The following EIF2B3 variants were observed in gnomAD, a reference collection of about 807,000 sequenced individuals.
EIF2B3 encodes translation initiation factor eIF2B subunit gamma.
Under a neutral mutation model 54.1 loss-of-function variants are expected in EIF2B3, and 20 were observed. The ratio of observed to expected loss-of-function variants is 0.37; its 90% CI spans 0.26 to 0.54. EIF2B3 has a LOEUF of 0.54. EIF2B3 is among the 20% of genes least tolerant of loss of function. The pLI is 0.86. For synonymous variants in EIF2B3, 153 were observed against 188.1 expected, an observed-to-expected ratio of 0.81 and a Z score of 1.52; for missense variants, 448 against 547.8, an observed-to-expected ratio of 0.82 and a Z score of 1.82.
At chr1:44,986,440 C>T (rs1040981198) in intron 1 of EIF2B3, 53 bp downstream of exon 1, 1 of 152,506 alleles carries the variant, frequency 6.6e-6, no homozygotes, top group African/African-American at 2.4e-5. Flanking sequence ...CCACCTCGGC[C>T]CAGTTCGACA....
chr1:44,870,674 A>G (rs189368277), intron 10 of EIF2B3, among the ~76,000 whole-genome samples: 31 of 148,896 alleles, frequency 2.1e-4, no homozygotes, highest in African/African-American at 7.4e-4. Flanking sequence ...TTTTTTTGAG[A>G]AAGAGTCTCA....
chr1:44,857,872 T>C (rs1654487724), intron 10 of EIF2B3, 65 bp from the exon 11 acceptor site: 3 of 1,518,790 alleles, frequency 2.0e-6, no homozygotes, highest in Non-Finnish European at 2.7e-6. Context: ...TTACTATTGG[T>C]TGGGGGTTCT....
chr1:44,976,248 C>G (rs1569881723), intron 3 of EIF2B3, among the ~76,000 whole-genome samples: 2 of 152,066 alleles, frequency 1.3e-5, no homozygotes, highest in African/African-American at 4.8e-5. Context: ...TTCCTATAAT[C>G]AATAATGGAA....
intron 6 of EIF2B3, among the ~76,000 whole-genome samples, chr1:44,885,771 G>A (rs1202134502): frequency 1.3e-5 from 2 of 150,762 alleles, no homozygotes; most frequent in African/African-American, 2.4e-5. Context: ...TTTTTTAGAC[G>A]CAGTCTCGCT....
At chr1:44,977,164 T>C (rs114224595) in intron 3 of EIF2B3, among the ~76,000 whole-genome samples, 1,715 of 152,312 alleles carry the variant, frequency 0.011, 33 homozygotes, top group African/African-American at 0.039. Context: ...ATCACAACGA[T>C]TGAATTTTTT....
At chr1:44,893,891 G>C (rs1189668795) in intron 6 of EIF2B3, among the ~76,000 whole-genome samples, 1 of 152,124 alleles carries the variant, frequency 6.6e-6, no homozygotes, top group Non-Finnish European at 1.5e-5. Flanking sequence ...ATACTAAAAG[G>C]AAATCAAGAC....
intron 10 of EIF2B3, among the ~76,000 whole-genome samples, chr1:44,860,310 T>C (rs1171544543): frequency 6.6e-6 from 1 of 152,192 alleles, no homozygotes; most frequent in Non-Finnish European, 1.5e-5. Flanking sequence ...CCATCATGCC[T>C]GGCTAACAAA....
intron 2 of EIF2B3, among the ~76,000 whole-genome samples, chr1:44,979,098 G>A (rs1374813510): frequency 2.0e-5 from 3 of 150,806 alleles, no homozygotes; most frequent in East Asian, 2.0e-4. Flanking sequence ...ACCAGCCTGG[G>A]CAACATGGCA....
intron 6 of EIF2B3, among the ~76,000 whole-genome samples, chr1:44,893,836 G>A (rs768888105): frequency 2.1e-4 from 26 of 126,380 alleles, no homozygotes; most frequent in Non-Finnish European, 3.4e-4. Context: ...CTTAAAGAGA[G>A]AAAGATAAAT....
chr1:44,859,955 G>A (rs1181514957), intron 10 of EIF2B3, among the ~76,000 whole-genome samples: 2 of 150,356 alleles, frequency 1.3e-5, no homozygotes, highest in Non-Finnish European at 3.0e-5. Context: ...GCAGGGTTTC[G>A]TCATGTTGGC....
At chr1:44,949,438 G>A (rs1569817266) in intron 3 of EIF2B3, among the ~76,000 whole-genome samples, 1 of 152,192 alleles carries the variant, frequency 6.6e-6, no homozygotes, top group Admixed American at 6.5e-5. Flanking sequence ...GTTCAACCTA[G>A]TGCTGGCAAA....
At chr1:44,873,703 C>T (rs1401766671) in intron 10 of EIF2B3, among the ~76,000 whole-genome samples, 3 of 151,644 alleles carry the variant, frequency 2.0e-5, no homozygotes, top group South Asian at 2.1e-4. Flanking sequence ...TGCAGTGGTG[C>T]GATCTCAGCT....
intron 3 of EIF2B3, among the ~76,000 whole-genome samples, chr1:44,976,259 A>G (rs979758318): frequency 3.9e-5 from 6 of 152,234 alleles, no homozygotes; most frequent in Admixed American, 1.3e-4. Flanking sequence ...AATAATGGAA[A>G]GGCAAACAAC....
chr1:44,917,915 A>G (rs981069438), intron 5 of EIF2B3, among the ~76,000 whole-genome samples: 41 of 149,404 alleles, frequency 2.7e-4, no homozygotes, highest in African/African-American at 1.0e-3. Context: ...CTGGGACTAC[A>G]GGCGCCTGCC....
chr1:44,924,453 T>C (rs954679813), intron 5 of EIF2B3, among the ~76,000 whole-genome samples: 7 of 152,122 alleles, frequency 4.6e-5, no homozygotes, highest in Non-Finnish European at 2.9e-5. Context: ...CCCAGCGCAA[T>C]CTAGGCTCAC....
intron 3 of EIF2B3, among the ~76,000 whole-genome samples, chr1:44,964,670 G>A (rs1009666829): frequency 1.7e-4 from 26 of 152,234 alleles, no homozygotes; most frequent in South Asian, 1.7e-3. Flanking sequence ...TACCTCTAAC[G>A]ACTAGTGTGT....
chr1:44,881,465 T>C lies in EIF2B3; in HGVS notation c.784+147A>G. 9.2e-7 allele frequency: 1 copy of C among 1,092,020 alleles called. No individual in the cohort carries two copies. The highest frequency in any genetic ancestry group is 1.4e-6 in the Non-Finnish European group (1 of 728,712). The allele number at this position is 1,092,020 out of a possible 1,614,324, so 67.6% of individuals were successfully genotyped here. ...CTGAGCAAGCTTACCCAGAGCTCAG[T>C]GGGTTGGCAAGCCTGTCTTGCCTCG... On this transcript the variant is annotated intron_variant, in intron 7 of 11. Transcript: ENST00000360403. The surrounding 1 kb of genome is among the most constrained non-coding windows in gnomAD (Gnocchi z 4.0).
At chr1:44,901,530 C>A (rs1231207394) in intron 5 of EIF2B3, among the ~76,000 whole-genome samples, 2 of 150,430 alleles carry the variant, frequency 1.3e-5, no homozygotes, top group Non-Finnish European at 2.9e-5. Context: ...GGATGACAGG[C>A]ATGAGCCACT....
chr1:44,953,510 C>T (rs745741595), intron 3 of EIF2B3, among the ~76,000 whole-genome samples: 7 of 152,190 alleles, frequency 4.6e-5, no homozygotes, highest in Non-Finnish European at 8.8e-5. Flanking sequence ...GGTGCAGTGG[C>T]TCACGCCTGT....
Sources: allele counts gnomAD v4.1 joint callset (sites outside exome capture counted in the v4.1 genomes callset), GRCh38; gene constraint gnomAD v4.1.1; non-coding constraint Gnocchi (gnomAD v3.1); transcripts MANE v1.5; gene names NCBI Gene and HGNC (gene_info 2026-07-23, HGNC 2026-07-21).